PARP15: variants seen among roughly 807,000 people sequenced by gnomAD.
PARP15 encodes protein mono-ADP-ribosyltransferase PARP15.
Under a neutral mutation model 62.1 loss-of-function variants are expected in PARP15, and 50 were observed. The observed-to-expected ratio is 0.81, with a 90% confidence interval of 0.64 to 1.02. The LOEUF is 1.02. PARP15 is among the 50% of genes least tolerant of loss of function. The probability of loss-of-function intolerance (pLI) is 0.00; values close to 1 mark genes in which losing one functional copy is unlikely to be tolerated. For missense variants in PARP15, 820 were observed against 826.5 expected (o/e 0.99, Z 0.10); for synonymous variants, 309 against 293.1 (o/e 1.05, Z -0.55).
At chr3:122,612,796 T>C (rs1381112361) in intron 3 of PARP15, among the ~76,000 whole-genome samples, 1 of 152,120 alleles carries the variant, frequency 6.6e-6, no homozygotes, top group African/African-American at 2.4e-5. Flanking sequence ...ACACCACTTT[T>C]AGTTACATTG....
In PARP15 at chr3:122,617,163, A is replaced by G. The variant is rs1451280035; in HGVS notation, c.999A>G (p.Ser333=). 8 of 1,611,092 alleles carry G rather than the reference A, an allele frequency of 5.0e-6. No homozygotes were observed. Among genetic ancestry groups the G allele is most frequent in the Non-Finnish European group, 5.1e-6 (6 of 1,177,998 alleles). Reference sequence around the variant, plus strand: ...CAGCAAGGACATTTAATCGGAAATCAGGTACTTTATTTAAGCAATATATTG... The same window carrying G: ...CAGCAAGGACATTTAATCGGAAATCGGGTACTTTATTTAAGCAATATATTG... ...NSTARTFNRK[S]GVSRAILEGA... is the part of the protein sequence containing the mutation. The change falls in exon 6 of 12, where the codon TCA becomes TCG. Residue 333 remains serine (S), a splice_region_variant and synonymous_variant. Coordinates refer to ENST00000464300, the MANE Select transcript of PARP15 (RefSeq NM_001113523.3).
intron 1 of PARP15, among the ~76,000 whole-genome samples, chr3:122,597,554 G>A (rs866580042): frequency 6.6e-5 from 10 of 151,910 alleles, no homozygotes; most frequent in South Asian, 4.2e-4. Flanking sequence ...GAGTCACCGC[G>A]CCCAGCTTTT....
intron 3 of PARP15, among the ~76,000 whole-genome samples, chr3:122,612,581 C>T (rs540279140): frequency 2.0e-5 from 3 of 152,126 alleles, no homozygotes; most frequent in South Asian, 2.1e-4. Flanking sequence ...GGACTACAGG[C>T]GCCTGCCACC....
At chr3:122,599,012 C>A (rs1330839193) in intron 1 of PARP15, among the ~76,000 whole-genome samples, 2 of 152,216 alleles carry the variant, frequency 1.3e-5, no homozygotes, top group Non-Finnish European at 2.9e-5. Flanking sequence ...TATCCCACCT[C>A]AGCCTCCTGA....
At chr3:122,584,136 A>C (rs1933211335) in intron 1 of PARP15, among the ~76,000 whole-genome samples, 1 of 152,226 alleles carries the variant, frequency 6.6e-6, no homozygotes, top group South Asian at 2.1e-4. Context: ...AATATCTCAA[A>C]AAATATTTTA....
intron 8 of PARP15, among the ~76,000 whole-genome samples, chr3:122,623,776 C>A (rs1936501677): frequency 1.3e-5 from 2 of 152,224 alleles, no homozygotes; most frequent in Admixed American, 1.3e-4. Flanking sequence ...GAATGAATAA[C>A]AGGTGATTTT....
intron 1 of PARP15, among the ~76,000 whole-genome samples, chr3:122,600,878 A>G (rs1468914480): frequency 1.3e-5 from 2 of 149,996 alleles, no homozygotes; most frequent in Non-Finnish European, 3.0e-5. Flanking sequence ...ATTCTCAAAT[A>G]CCCCCCTCCC....
In PARP15 at chr3:122,635,920, A is replaced by T; in HGVS notation, c.1857A>T (p.Arg619=). The T allele has an allele frequency of 1.9e-6, 3 of 1,614,152 alleles. No homozygotes were observed. The highest frequency in any genetic ancestry group is 2.5e-6 in the Non-Finnish European group (3 of 1,180,006). ...GGAGAAAGCACATGTACGTTGTGCGAGTACTTACTGGAGTCTTCACAAAGG... is the reference window on the plus strand; with the variant it reads ...GGAGAAAGCACATGTACGTTGTGCGTGTACTTACTGGAGTCTTCACAAAGG... The part of the protein sequence containing the change: ...SNGRKHMYVV[R]VLTGVFTKGR... Residue 619 remains arginine (R), a synonymous_variant, in exon 12 of 12, where the codon CGA becomes CGT. Transcript: ENST00000464300.
chr3:122,621,389 T>C, intron 7 of PARP15, 55 bp from the exon 8 acceptor site: 1 of 1,521,456 alleles, frequency 6.6e-7, no homozygotes, highest in Non-Finnish European at 8.8e-7. Flanking sequence ...AAAATCAAAG[T>C]GTTGCCTCCA....
In PARP15 at chr3:122,626,787, C is replaced by T. The variant is rs777913988; in HGVS notation, c.1232-40C>T. 5.1e-6 allele frequency: 8 copies of T among 1,573,066 alleles called. No individual in the cohort carries two copies. In the Admixed American group the frequency reaches 1.4e-4, roughly 28 times the overall value. Reference sequence around the variant, plus strand: ...TTGCCATATTTCATCATATTAGCAACATCGGGGGAAACTTCTTTGTCATTA... The same window carrying T: ...TTGCCATATTTCATCATATTAGCAATATCGGGGGAAACTTCTTTGTCATTA... On this transcript the variant is annotated intron_variant, in intron 8 of 11. Transcript: ENST00000464300.
chr3:122,629,967 C>T (rs1413479826), intron 9 of PARP15, among the ~76,000 whole-genome samples: 2 of 152,116 alleles, frequency 1.3e-5, no homozygotes, highest in African/African-American at 2.4e-5. Context: ...TCTTGCCTGC[C>T]GCTCACCTCC....
rs76273623 is a variant in PARP15 at position 122,610,533 on chromosome 3, C to T, written c.346C>T (p.Leu116Phe). Residue 116 changes from leucine (L) to phenylalanine (F), a missense_variant, in exon 3 of 12, where the codon CTT (leucine) becomes TTT (phenylalanine). By Grantham distance (22) the Leu-to-Phe change is conservative. Around this residue, in one of 3 missense-constraint regions of PARP15, gnomAD observed 731 missense variants for 727.7 expected, o/e 1.00. Transcript: ENST00000464300. ...CAACAGCGTTCCCATGAATCTTCAG[C>T]TTGGAGGAGGACCACTATCTCGGGC... ...IVNSVPMNLQLGGGPLSRAFL... is the reference protein window; with the variant it reads ...IVNSVPMNLQFGGGPLSRAFL... 3.4e-3 allele frequency: 5,338 copies of T among 1,551,646 alleles called. 122 individuals carry two copies. The African/African-American group carries it at 0.052, about 15-fold the overall frequency.
chr3:122,579,876 G>A (rs2080761591), intron 1 of PARP15, among the ~76,000 whole-genome samples: 1 of 151,162 alleles, frequency 6.6e-6, no homozygotes, highest in Non-Finnish European at 1.5e-5. Context: ...CTACTCAAGA[G>A]GCTGAGGTAG....
chr3:122,609,691 G>A lies in PARP15; in HGVS notation c.307-803G>A, dbSNP rs545995381. ...CCAGCCCTGGGAACAGATCGAAATC[G>A]TGTTTAAAAAAAAAAAAATTAAAAA... On this transcript the variant is annotated intron_variant, in intron 2 of 11. Coordinates refer to ENST00000464300, the MANE Select transcript of PARP15 (RefSeq NM_001113523.3). Among the ~76,000 whole-genome samples the A allele has an allele frequency of 3.9e-3, 559 of 142,350 alleles. 3 individuals carry two copies. The highest frequency in any genetic ancestry group is 6.9e-3 in the Non-Finnish European group (465 of 67,186). The allele number at this position is 142,350 out of a possible 152,430, so 93.4% of individuals were successfully genotyped here.
rs914766635 is a variant in PARP15, at chr3:122,637,375, G to C, written c.*1275G>C. 1 of 152,132 alleles carries C rather than the reference G, an allele frequency of 6.6e-6. No individual in the cohort carries two copies. The highest frequency in any genetic ancestry group is 6.5e-5 in the Admixed American group (1 of 15,272). 9.4% of individuals were successfully genotyped at this position (152,132 alleles called of 1,614,324 possible). On this transcript the variant is annotated 3_prime_UTR_variant, in exon 12 of 12. Transcript: ENST00000464300. ...AACTCTTTTTCAAAAGTTGAAATCAGTTCCTCTGTGTCTATTACCTGCTGA... is the reference window on the plus strand; with the variant it reads ...AACTCTTTTTCAAAAGTTGAAATCACTTCCTCTGTGTCTATTACCTGCTGA...
intron 3 of PARP15, among the ~76,000 whole-genome samples, chr3:122,611,407 C>T (rs765002316): frequency 6.6e-6 from 1 of 152,084 alleles, no homozygotes; most frequent in Non-Finnish European, 1.5e-5. Flanking sequence ...CATCTCAGCT[C>T]ATTGCAACCT....
chr3:122,635,432 A>G (rs114432311), intron 11 of PARP15, among the ~76,000 whole-genome samples: 3,551 of 151,278 alleles, frequency 0.023, 135 homozygotes, highest in African/African-American at 0.081. Context: ...TTTTTTTTAG[A>G]CGGTCTCATT....
At chr3:122,633,695 C>T (rs1298458119) in intron 10 of PARP15, among the ~76,000 whole-genome samples, 4 of 152,124 alleles carry the variant, frequency 2.6e-5, no homozygotes, top group Non-Finnish European at 5.9e-5. Context: ...AGTACTATGT[C>T]ATTTTATGTC....
chr3:122,593,461 G>GT (rs1448890766), intron 1 of PARP15, among the ~76,000 whole-genome samples: 4 of 151,968 alleles, frequency 2.6e-5, no homozygotes, highest in Non-Finnish European at 5.9e-5. Context: ...TTTTAAATAC[G>GT]TTTTTATCTA....
Sources: gnomAD v4.1 joint callset for allele counts (sites outside exome capture counted in the v4.1 genomes callset) on GRCh38, gnomAD v4.1.1 for gene constraint, gnomAD v4.1.1 regional missense constraint, MANE v1.5 for transcripts, NCBI Gene and HGNC (gene_info 2026-07-23, HGNC 2026-07-21) for gene names.